MTHFSD: variants seen among roughly 807,000 people sequenced by gnomAD.
MTHFSD encodes methenyltetrahydrofolate synthetase domain containing.
Under a neutral mutation model 31.1 loss-of-function variants are expected in MTHFSD, and 37 were observed. The observed-to-expected ratio is 1.19, with a 90% CI of 0.91 to 1.56. The LOEUF (loss-of-function observed/expected upper bound fraction) is 1.56. Ranked by LOEUF, MTHFSD falls within the 40% of genes most tolerant of loss-of-function variation. The pLI, the probability that MTHFSD is intolerant of heterozygous loss-of-function variation, is 0.00. For synonymous variants in MTHFSD, 221 were observed against 206.9 expected (o/e 1.07, Z -0.59); for missense variants, 664 against 510.1 (o/e 1.30, Z -2.91).
In MTHFSD at chr16:86,554,750, T is replaced by TA; in HGVS notation, c.17dup (p.Gly7ArgfsTer9). 4.3e-6 allele frequency: 7 copies of TA among 1,610,724 alleles called. No individual in the cohort carries two copies. The highest frequency in any genetic ancestry group is 5.9e-6 in the Non-Finnish European group (7 of 1,177,178). On this transcript the variant is annotated frameshift_variant and splice_region_variant, in exon 2 of 8. Coordinates refer to ENST00000360900, the MANE Select transcript of MTHFSD (RefSeq NM_001159377.2). LOFTEE classifies it high-confidence loss of function. ...CACGTATGTCCTGTTTGGAGACACC[T>TA]ACTGCAACAAAAGATTCCCACTTAA...
intron 4 of MTHFSD, 27 bp downstream of exon 4, chr16:86,548,437 G>A (rs756788150): frequency 6.4e-7 from 1 of 1,559,768 alleles, no homozygotes; most frequent in South Asian, 1.1e-5. Flanking sequence ...TTCTTTCCTA[G>A]GTGGGGACAT....
chr16:86,540,295 G>C (rs1034859064), intron 7 of MTHFSD, among the ~76,000 whole-genome samples: 3 of 152,292 alleles, frequency 2.0e-5, no homozygotes, highest in African/African-American at 7.2e-5. Flanking sequence ...AGAGGGTCTC[G>C]ACAAACAGCG....
rs952646550 is a variant in MTHFSD at position 86,530,587 on chromosome 16, C to T, written c.*1424G>A. 2 of 149,958 alleles carry T rather than the reference C, an allele frequency of 1.3e-5. No individual in the cohort carries two copies. Among genetic ancestry groups the T allele is most frequent in the African/African-American group, 2.5e-5 (1 of 40,454 alleles). 9.3% of individuals were successfully genotyped at this position (149,958 alleles called of 1,614,324 possible). A position where few individuals can be genotyped will look rare whatever the true frequency, so the allele number is the denominator to read the frequency against. ...TCTTCTCCTGGAGTTGCTATTCTAA[C>T]GGCAGCAAATCCACAGGAAAAAGGT... On this transcript the variant is annotated 3_prime_UTR_variant, in exon 8 of 8. Transcript: ENST00000360900.
In MTHFSD at chr16:86,548,541, T is replaced by G; in HGVS notation, c.274A>C (p.Arg92=). Residue 92 remains arginine (R), a synonymous_variant, in exon 4 of 8, where the codon AGA becomes CGA. Coordinates refer to ENST00000360900, the MANE Select transcript of MTHFSD (RefSeq NM_001159377.2). ...KTLLVPTPRL[R]TGLFNKITPP... is the part of the protein sequence containing the mutation. ...GTGATCTTATTAAACAATCCCGTTC[T>G]CAGTCGTGGTGTTGGAACCAACAAT... 1.3e-5 allele frequency: 21 copies of G among 1,613,282 alleles called. No homozygotes were observed. The highest frequency in any genetic ancestry group is 1.7e-5 in the Non-Finnish European group (20 of 1,179,794).
intron 7 of MTHFSD, among the ~76,000 whole-genome samples, chr16:86,535,666 C>T (rs1287355389): frequency 6.6e-6 from 1 of 152,120 alleles, no homozygotes; most frequent in Non-Finnish European, 1.5e-5. Flanking sequence ...AAATACGAAT[C>T]CGAAATCTGA....
intron 4 of MTHFSD, chr16:86,547,066 C>CCGAGATCTA: frequency 1.3e-5 from 9 of 719,350 alleles, no homozygotes; most frequent in South Asian, 5.8e-5. Context: ...GACAGGGACA[C>CCGAGATCTA]CACCCTCTGC....
At chr16:86,554,503 C>T in intron 2 of MTHFSD, 142 bp downstream of exon 2, 2 of 690,732 alleles carry the variant, frequency 2.9e-6, no homozygotes, top group Non-Finnish European at 5.0e-6. Flanking sequence ...ACGCCCTGGC[C>T]AAATGGCTTT....
At position 86,552,394 on chromosome 16, in the gene MTHFSD, C is replaced by G. The variant is rs935705765; in HGVS notation, c.124-248G>C. ...AGAATCTCACCCAGACAGGCACTAA[C>G]AGTCACCCAAAGAAACATCTAAGGA... On this transcript the variant is annotated intron_variant, in intron 2 of 7. Transcript: ENST00000360900. 8.4e-5 allele frequency: 82 copies of G among 978,978 alleles called. No homozygotes were observed. In the African/African-American group the frequency reaches 1.2e-3, roughly 15 times the overall value. The allele number at this position is 978,978 out of a possible 1,614,324, so 60.6% of individuals were successfully genotyped here.
At chr16:86,540,912 CTG>C in intron 7 of MTHFSD, 1 of 1,133,628 alleles carries the variant, frequency 8.8e-7, no homozygotes, top group Non-Finnish European at 1.1e-6. Context: ...AAAGTCCCGG[CTG>C]GGCTGTGGCA....
At chr16:86,551,951 G>A in intron 3 of MTHFSD, 82 bp downstream of exon 3, 1 of 1,564,760 alleles carries the variant, frequency 6.4e-7, no homozygotes, top group Non-Finnish European at 8.6e-7. Flanking sequence ...ATGCAAGACA[G>A]ACGTGTGCAC....
At position 86,554,734 on chromosome 16, in the gene MTHFSD, C is replaced by G; in HGVS notation, c.34G>C (p.Asp12His). 6.2e-7 allele frequency: 1 copy of G among 1,613,986 alleles called. No homozygotes were observed. Among genetic ancestry groups the G allele is most frequent in the Non-Finnish European group, 8.5e-7 (1 of 1,179,900 alleles). ...TAGCCCCAAATTTGTTCACGTATGT[C>G]CTGTTTGGAGACACCTACTGCAACA... is the stretch of plus-strand genomic sequence containing the variant. ...EPRAVGVSKQ[D>H]IREQIWGYME... The change falls in exon 2 of 8, where the codon GAC becomes CAC. Residue 12 changes from aspartate (D) to histidine (H), a missense_variant. Asp to His is a moderately conservative substitution (Grantham distance 81). Transcript: ENST00000360900.
chr16:86,544,210 C>T (rs1220938563), intron 5 of MTHFSD, among the ~76,000 whole-genome samples: 8 of 152,168 alleles, frequency 5.3e-5, no homozygotes, highest in Admixed American at 3.3e-4. Flanking sequence ...TGAAACCGGT[C>T]CCTGGTGCCA....
intron 7 of MTHFSD, 151 bp from the exon 8 acceptor site, chr16:86,532,632 C>T (rs961314498): frequency 2.0e-6 from 1 of 501,608 alleles, no homozygotes; most frequent in Non-Finnish European, 3.3e-6. Context: ...CTCCCACTGT[C>T]CCACCCACTA....
intron 3 of MTHFSD, among the ~76,000 whole-genome samples, chr16:86,550,496 T>A (rs115095361): frequency 0.012 from 1,808 of 152,264 alleles, 41 homozygotes; most frequent in African/African-American, 0.042. Context: ...AAGGACTGGC[T>A]CTGGAGTCAG....
At chr16:86,534,987 C>A (rs141584325) in intron 7 of MTHFSD, among the ~76,000 whole-genome samples, 58 of 152,324 alleles carry the variant, frequency 3.8e-4, no homozygotes, top group Non-Finnish European at 6.6e-4. Context: ...ATGGCAGAAG[C>A]GAGCATTCTC....
intron 3 of MTHFSD, 57 bp downstream of exon 3, chr16:86,551,976 G>C: frequency 6.2e-7 from 1 of 1,607,646 alleles, no homozygotes; most frequent in South Asian, 1.1e-5. Context: ...CAGCTACCTG[G>C]AAAAGGTGTC....
intron 4 of MTHFSD, chr16:86,547,164 T>C: frequency 1.0e-6 from 1 of 986,230 alleles, no homozygotes; most frequent in East Asian, 1.1e-4. Flanking sequence ...GACATATTTA[T>C]TCAATATAAA....
chr16:86,541,857 GGA>G, intron 6 of MTHFSD, 35 bp from the exon 7 acceptor site: 1 of 1,611,164 alleles, frequency 6.2e-7, no homozygotes, highest in Non-Finnish European at 8.5e-7. Flanking sequence ...GGGGCTGCTG[GGA>G]ATGCCACTGC....
chr16:86,554,985 G>C (rs1973878425), intron 1 of MTHFSD, 184 bp downstream of exon 1: 1 of 1,340,716 alleles, frequency 7.5e-7, no homozygotes, highest in African/African-American at 1.5e-5. Context: ...TCTTTCTCGG[G>C]ATTCCGGGCG....
Sources: allele counts gnomAD v4.1 joint callset (sites outside exome capture counted in the v4.1 genomes callset), GRCh38; gene constraint gnomAD v4.1.1; transcripts MANE v1.5; gene names NCBI Gene and HGNC (gene_info 2026-07-23, HGNC 2026-07-21).